The following CILP variants were observed in gnomAD, a reference collection of about 807,000 sequenced individuals.
CILP encodes the protein cartilage intermediate layer protein, also known as cartilage intermediate layer protein 1.
CILP carries 75 observed loss-of-function variants against 82.5 expected under a neutral mutation model. That is an observed-to-expected ratio of 0.91 (90% CI 0.75 to 1.10). The LOEUF (loss-of-function observed/expected upper bound fraction) is 1.10, where lower values mean the gene tolerates loss of function less well. Ranked by LOEUF, CILP falls within the 50% of genes least tolerant of loss-of-function variation. CILP has a pLI of 0.00. For missense variants in CILP, 1,479 were observed against 1,530.8 expected, an observed-to-expected ratio of 0.97 and a Z score of 0.56; for synonymous variants, 530 against 580.3, an observed-to-expected ratio of 0.91 and a Z score of 1.25.
chr15:65,202,019 C>A lies in CILP; in HGVS notation c.1039G>T (p.Asp347Tyr). ...RPDKYFWYHN[D>Y]TLLDPSLYKH... ...TAGAGGGAAGGATCCAGCAATGTGT[C>A]ATTATGATACCTGCAAGGGATGGAG... Residue 347 changes from aspartate to tyrosine, a missense_variant, in exon 8 of 9, where the codon GAC (aspartate) becomes TAC (tyrosine). Coordinates refer to ENST00000261883, the MANE Select transcript of CILP (RefSeq NM_003613.4). The A allele has an allele frequency of 6.3e-7, 1 of 1,582,692 alleles. No homozygotes were observed. Among genetic ancestry groups the A allele is most frequent in the South Asian group, 1.2e-5 (1 of 86,100 alleles).
intron 8 of CILP, among the ~76,000 whole-genome samples, chr15:65,200,417 G>C (rs1189612683): frequency 6.7e-6 from 1 of 149,996 alleles, no homozygotes; most frequent in African/African-American, 2.5e-5. Context: ...GTCTAAAGTA[G>C]TCCAGGATCC....
rs568509487 is a variant in CILP, at chr15:65,208,305, C to T, written c.62-541G>A. Among the ~76,000 whole-genome samples, 45 of 152,282 alleles carry T rather than the reference C, an allele frequency of 3.0e-4. 1 individual carries two copies. The South Asian group carries it at 9.3e-3, about 32-fold the overall frequency. ...AGATTGACAGTGTGGGCTCCTGAGA[C>T]TCTGCCAGTTTCTAACTGTGTGACT... On this transcript the variant is annotated intron_variant, in intron 2 of 8. Transcript: ENST00000261883.
rs373885606 is a variant in CILP, at chr15:65,202,083, C to T, written c.1029-54G>A. ...ATGGGCAGTGGGAGGGCAGGTATTC[C>T]TAGAAAAGTGCCAGGAGCAGGCAGC... On this transcript the variant is annotated intron_variant, in intron 7 of 8. Coordinates refer to ENST00000261883, the MANE Select transcript of CILP (RefSeq NM_003613.4). 1.8e-5 allele frequency: 26 copies of T among 1,428,430 alleles called. No individual in the cohort carries two copies. The East Asian group carries it at 6.8e-4, about 37-fold the overall frequency. The allele number at this position is 1,428,430 out of a possible 1,614,324, so 88.5% of individuals were successfully genotyped here.
intron 5 of CILP, 24 bp from the exon 6 acceptor site, chr15:65,204,606 G>C (rs774153742): frequency 1.9e-6 from 3 of 1,572,180 alleles, no homozygotes; most frequent in Non-Finnish European, 2.6e-6. Flanking sequence ...GGCCATATCA[G>C]CAGGGATTCT....
intron 3 of CILP, 122 bp from the exon 4 acceptor site, chr15:65,207,173 C>A: frequency 9.1e-7 from 1 of 1,104,290 alleles, no homozygotes; most frequent in Non-Finnish European, 1.3e-6. Context: ...AGTATCTCTC[C>A]AATCCCCTCT....
rs2088362642 is a variant in CILP at position 65,196,480 on chromosome 15, CAG to C, written c.*249_*250del. 2.4e-6 allele frequency: 1 copy of C among 411,974 alleles called. No individual in the cohort carries two copies. Among genetic ancestry groups the C allele is most frequent in the African/African-American group, 2.0e-5 (1 of 49,354 alleles). 25.5% of individuals were successfully genotyped at this position (411,974 alleles called of 1,614,324 possible). ...ATTAAATGAAGTACAGTTGAAGCTG[CAG>C]AGTTTTACCAGTGGCCAATTTCTTG... On this transcript the variant is annotated 3_prime_UTR_variant, in exon 9 of 9. Coordinates refer to ENST00000261883, the MANE Select transcript of CILP (RefSeq NM_003613.4).
At position 65,198,033 on chromosome 15, in the gene CILP, C is replaced by T; in HGVS notation, c.2253G>A (p.Arg751=). 7.4e-6 allele frequency: 12 copies of T among 1,614,268 alleles called. No homozygotes were observed. The highest frequency in any genetic ancestry group is 1.0e-5 in the Non-Finnish European group (12 of 1,180,040). ...GGTAGGCCCTCACCTTAACAAAGCA[C>T]CGCCTGCTTTCAGGAACATCCAGGT... is the stretch of plus-strand genomic sequence containing the variant. ...LFNLDVPESR[R]CFVKVRAYRS... The change falls in exon 9 of 9, where the codon CGG becomes CGA. Residue 751 remains arginine (R), a synonymous_variant. Transcript: ENST00000261883.
intron 1 of CILP, among the ~76,000 whole-genome samples, chr15:65,211,064 G>C (rs767187589): frequency 1.3e-5 from 2 of 152,172 alleles, no homozygotes; most frequent in Non-Finnish European, 1.5e-5. Flanking sequence ...CAGCATCTCC[G>C]CCGTTTCCTC....
At chr15:65,202,622 T>G (rs2088471753) in intron 7 of CILP, among the ~76,000 whole-genome samples, 1 of 151,942 alleles carries the variant, frequency 6.6e-6, no homozygotes, top group Non-Finnish European at 1.5e-5. Flanking sequence ...GATATGGGGT[T>G]TCACCATGTT....
At position 65,196,887 on chromosome 15, in the gene CILP, G is replaced by T; in HGVS notation, c.3399C>A (p.Leu1133=). ...CAGGGGACTGGGCTGGGGTGCTTTG[G>T]AGGTACTGGAAGGCACTCTGGCGGC... ...QVGRQSAFQY[L]QSTPAQSPAA... Residue 1133 remains leucine, a synonymous_variant, in exon 9 of 9, where the codon CTC becomes CTA. Transcript: ENST00000261883. The T allele has an allele frequency of 6.2e-7, 1 of 1,613,854 alleles. No individual in the cohort carries two copies. The highest frequency in any genetic ancestry group is 8.5e-7 in the Non-Finnish European group (1 of 1,179,904).
chr15:65,207,782 A>G lies in CILP; in HGVS notation c.62-18T>C. The G allele has an allele frequency of 6.2e-7, 1 of 1,607,350 alleles. No individual in the cohort carries two copies. The highest frequency in any genetic ancestry group is 8.5e-7 in the Non-Finnish European group (1 of 1,173,942). ...CTGTCTCCCTGAGGGCCAGAAGGAGAAGCTAAGTGAGAGGCCAGGACTGGA... is the reference window on the plus strand; with the variant it reads ...CTGTCTCCCTGAGGGCCAGAAGGAGGAGCTAAGTGAGAGGCCAGGACTGGA... On this transcript the variant is annotated intron_variant, in intron 2 of 8. Transcript: ENST00000261883.
At position 65,198,819 on chromosome 15, in the gene CILP, C is replaced by T; in HGVS notation, c.1467G>A (p.Arg489=). ...CACTGACACGGCCCCGCACGATGCTCCGAGTTTCCGTACACCGCTGGCAGC... is the reference window on the plus strand; with the variant it reads ...CACTGACACGGCCCCGCACGATGCTTCGAGTTTCCGTACACCGCTGGCAGC... The part of the protein sequence containing the change: ...ECSCQRCTET[R]SIVRGRVSAA... The change falls in exon 9 of 9, where the codon CGG becomes CGA. Residue 489 remains arginine, a synonymous_variant. Coordinates refer to ENST00000261883, the MANE Select transcript of CILP (RefSeq NM_003613.4). 1 of 1,614,186 alleles carries T rather than the reference C, an allele frequency of 6.2e-7. No homozygotes were observed. Among genetic ancestry groups the T allele is most frequent in the Non-Finnish European group, 8.5e-7 (1 of 1,180,050 alleles).
At chr15:65,202,075 A>T in intron 7 of CILP, 46 bp from the exon 8 acceptor site, 1 of 1,447,310 alleles carries the variant, frequency 6.9e-7, no homozygotes, top group Non-Finnish European at 9.2e-7. Flanking sequence ...GTGGGAGGGC[A>T]GGTATTCCTA....
chr15:65,197,183 G>A lies in CILP; in HGVS notation c.3103C>T (p.Arg1035Ter), dbSNP rs771794833. The A allele has an allele frequency of 8.7e-6, 14 of 1,614,006 alleles. 1 individual carries two copies. The South Asian group carries it at 1.3e-4, about 15-fold the overall frequency. Reference sequence around the variant, plus strand: ...TGCAGCATGGGGTTCACACTGGCTCGACGGCAGCTGCCCTGGGGGATGACC... The same window carrying A: ...TGCAGCATGGGGTTCACACTGGCTCAACGGCAGCTGCCCTGGGGGATGACC... Reference protein sequence around the residue: ...VKVIPQGSCRRASVNPMLHEY... With the variant: ...VKVIPQGSCR The change falls in exon 9 of 9, where the codon CGA (arginine) becomes TGA (stop). Residue 1035 changes from arginine to a stop codon, truncating the protein, a stop_gained. Coordinates refer to ENST00000261883, the MANE Select transcript of CILP (RefSeq NM_003613.4). LOFTEE classifies it high-confidence loss of function.
chr15:65,203,277 G>T, intron 7 of CILP, 85 bp downstream of exon 7: 2 of 865,154 alleles, frequency 2.3e-6, no homozygotes, highest in Non-Finnish European at 3.8e-6. Context: ...GTTGGTTATT[G>T]TTCTTATTAA....
chr15:65,197,039 C>T lies in CILP; in HGVS notation c.3247G>A (p.Asp1083Asn). ...NYGIYTVTDQDPRTAKEIALG... is the reference protein window; with the variant it reads ...NYGIYTVTDQNPRTAKEIALG... ...GCGATCTCCTTGGCCGTGCGAGGGT[C>T]CTGGTCAGTGACAGTGTAGATGCCA... The change falls in exon 9 of 9, where the codon GAC (aspartate) becomes AAC (asparagine). Residue 1083 changes from aspartate to asparagine, a missense_variant. By Grantham distance (23) the Asp-to-Asn change is conservative. Coordinates refer to ENST00000261883, the MANE Select transcript of CILP (RefSeq NM_003613.4). 1 of 1,614,184 alleles carries T rather than the reference C, an allele frequency of 6.2e-7. No homozygotes were observed. The highest frequency in any genetic ancestry group is 1.1e-5 in the South Asian group (1 of 91,084).
At chr15:65,210,471 T>C (rs2088573570) in intron 1 of CILP, among the ~76,000 whole-genome samples, 1 of 151,826 alleles carries the variant, frequency 6.6e-6, no homozygotes, top group Non-Finnish European at 1.5e-5. Context: ...GCAGAGGGGA[T>C]GCATTGTGAG....
In CILP at chr15:65,209,770, C is replaced by T. The variant is rs375195788; in HGVS notation, c.-15G>A. 24 of 1,613,604 alleles carry T rather than the reference C, an allele frequency of 1.5e-5. No homozygotes were observed. In the East Asian group the frequency reaches 3.3e-4, roughly 22 times the overall value. On this transcript the variant is annotated 5_prime_UTR_variant, in exon 2 of 9. Transcript: ENST00000261883. ...GTCCCCACCATCTTTCCCCCAAGCC[C>T]GTGGGAACGTGGCAAGAGGTAGATG...
At position 65,197,974 on chromosome 15, in the gene CILP, T is replaced by G. The variant is rs771998630; in HGVS notation, c.2312A>C (p.Gln771Pro). ...SERFLPSEQIQGVVISVINLE... is the reference protein window; with the variant it reads ...SERFLPSEQIPGVVISVINLE... The stretch of plus-strand genomic sequence containing the variant: ...GTTAATCACGGAGATCACAACCCCC[T>G]GGATCTGCTCACTAGGCAAGAACCT... The change falls in exon 9 of 9, where the codon CAG becomes CCG. Residue 771 changes from glutamine to proline, a missense_variant. By Grantham distance (76) the Gln-to-Pro change is moderately conservative. Coordinates refer to ENST00000261883, the MANE Select transcript of CILP (RefSeq NM_003613.4). 5.6e-6 allele frequency: 9 copies of G among 1,614,174 alleles called. No individual in the cohort carries two copies. The highest frequency in any genetic ancestry group is 3.4e-6 in the Non-Finnish European group (4 of 1,180,030).
Sources: allele counts gnomAD v4.1 joint callset (sites outside exome capture counted in the v4.1 genomes callset), GRCh38; gene constraint gnomAD v4.1.1; transcripts MANE v1.5; gene names NCBI Gene and HGNC (gene_info 2026-07-23, HGNC 2026-07-21).